Variants in KCNQ3 observed in about 807,000 individuals in gnomAD.
The protein encoded by KCNQ3 is potassium voltage-gated channel subfamily Q member 3.
In KCNQ3, 30 loss-of-function variants were observed where a neutral mutation model predicts 92.5. The ratio of observed to expected loss-of-function variants is 0.32; its 90% CI spans 0.24 to 0.44. The LOEUF (loss-of-function observed/expected upper bound fraction) is 0.44, where lower values mean the gene tolerates loss of function less well. Among genes scored for constraint, KCNQ3 ranks in the 20% least tolerant of loss-of-function variants. KCNQ3 has a pLI of 1.00. For missense variants in KCNQ3, 913 were observed against 1,140.3 expected, an observed-to-expected ratio of 0.80 and a Z score of 2.87; for synonymous variants, 450 against 468.8, an observed-to-expected ratio of 0.96 and a Z score of 0.52.
chr8:132,291,978 T>C (rs1563843874), intron 1 of KCNQ3, among the ~76,000 whole-genome samples: 1 of 152,196 alleles, frequency 6.6e-6, no homozygotes, highest in Non-Finnish European at 1.5e-5. Context: ...TAATAACTTC[T>C]GTCTCCAAAA....
At chr8:132,293,519 CT>C (rs951258924) in intron 1 of KCNQ3, among the ~76,000 whole-genome samples, 5 of 144,314 alleles carry the variant, frequency 3.5e-5, no homozygotes, top group African/African-American at 1.3e-4. Flanking sequence ...AGGAAAAACA[CT>C]TTAAGAGAGT....
chr8:132,439,800 C>A (rs1821489671), intron 1 of KCNQ3, among the ~76,000 whole-genome samples: 1 of 152,124 alleles, frequency 6.6e-6, no homozygotes, highest in South Asian at 2.1e-4. Context: ...TTGTTTTACC[C>A]CAGTGAGACC....
At chr8:132,243,556 C>G (rs1009008060) in intron 1 of KCNQ3, among the ~76,000 whole-genome samples, 1 of 152,186 alleles carries the variant, frequency 6.6e-6, no homozygotes, top group African/African-American at 2.4e-5. Context: ...CTTTTCTTAT[C>G]CCTGTATGAA....
rs1586942999 is a variant in KCNQ3, at chr8:132,343,440, A to G, written c.386+136707T>C. Among the ~76,000 whole-genome samples the G allele has an allele frequency of 2.0e-5, 3 of 152,286 alleles. No individual in the cohort carries two copies. In the South Asian group the frequency reaches 6.2e-4, roughly 32 times the overall value. ...GTCCCAAGCACCAAGCTGGGGAAATACCCAAGGAAGCCTCCATAAGTGCTT... is the reference window on the plus strand; with the variant it reads ...GTCCCAAGCACCAAGCTGGGGAAATGCCCAAGGAAGCCTCCATAAGTGCTT... On this transcript the variant is annotated intron_variant, in intron 1 of 14. Transcript: ENST00000388996.
chr8:132,410,842 G>A (rs927242759), intron 1 of KCNQ3, among the ~76,000 whole-genome samples: 9 of 152,214 alleles, frequency 5.9e-5, no homozygotes, highest in African/African-American at 2.2e-4. Flanking sequence ...ATGGCAAAGT[G>A]GGACTCTGTT....
intron 1 of KCNQ3, among the ~76,000 whole-genome samples, chr8:132,378,032 T>G (rs1014696805): frequency 4.6e-5 from 7 of 152,062 alleles, no homozygotes; most frequent in African/African-American, 1.5e-4. Context: ...TTTGAAAAAA[T>G]GACACTTTTT....
At chr8:132,278,415 C>A (rs995937275) in intron 1 of KCNQ3, among the ~76,000 whole-genome samples, 1 of 152,208 alleles carries the variant, frequency 6.6e-6, no homozygotes, top group African/African-American at 2.4e-5. Context: ...TCCTGGTATT[C>A]CTGTCTGAAA....
At chr8:132,383,635 G>T (rs1819814927) in intron 1 of KCNQ3, among the ~76,000 whole-genome samples, 1 of 152,202 alleles carries the variant, frequency 6.6e-6, no homozygotes, top group South Asian at 2.1e-4. Context: ...ACAGGACTGT[G>T]CTTGTTCATC....
At chr8:132,472,354 A>T (rs1822317304) in intron 1 of KCNQ3, among the ~76,000 whole-genome samples, 1 of 152,248 alleles carries the variant, frequency 6.6e-6, no homozygotes, top group African/African-American at 2.4e-5. Context: ...GTAAGGAATC[A>T]ACCAAAGGAT....
intron 4 of KCNQ3, 23 bp from the exon 5 acceptor site, chr8:132,175,631 T>G: frequency 6.2e-7 from 1 of 1,612,208 alleles, no homozygotes; most frequent in Non-Finnish European, 8.5e-7. Flanking sequence ...ACAGTGGACA[T>G]GAAAAGTGGT....
At chr8:132,218,366 C>T (rs992884560) in intron 1 of KCNQ3, among the ~76,000 whole-genome samples, 1 of 152,196 alleles carries the variant, frequency 6.6e-6, no homozygotes, top group African/African-American at 2.4e-5. Flanking sequence ...GCATCTGGCA[C>T]ATGTGGGCAC....
In KCNQ3 at chr8:132,207,374, C is replaced by G. The variant is rs535281450; in HGVS notation, c.387-21193G>C. On this transcript the variant is annotated intron_variant, in intron 1 of 14. Coordinates refer to ENST00000388996, the MANE Select transcript of KCNQ3 (RefSeq NM_004519.4). ...GGTATAAAATGGCACCTGGAATTTG[C>G]ATTTTAATAGCGAATAAAGCATTGT... is the stretch of plus-strand genomic sequence containing the variant. 6.6e-5 allele frequency among the ~76,000 whole-genome samples: 10 copies of G among 152,264 alleles called. No individual in the cohort carries two copies. In the South Asian group the frequency reaches 2.1e-3, roughly 32 times the overall value.
At chr8:132,394,604 G>T (rs1205222108) in intron 1 of KCNQ3, among the ~76,000 whole-genome samples, 2 of 152,162 alleles carry the variant, frequency 1.3e-5, no homozygotes, top group African/African-American at 4.8e-5. Context: ...GGTATTCAGA[G>T]ATCTACGAGT....
intron 1 of KCNQ3, among the ~76,000 whole-genome samples, chr8:132,324,425 T>A (rs908678647): frequency 6.6e-6 from 1 of 152,128 alleles, no homozygotes; most frequent in African/African-American, 2.4e-5. Context: ...AGTGAAGAAA[T>A]GTGTGAATAA....
intron 1 of KCNQ3, among the ~76,000 whole-genome samples, chr8:132,438,584 G>A (rs951864146): frequency 1.3e-5 from 2 of 152,122 alleles, no homozygotes; most frequent in African/African-American, 4.8e-5. Flanking sequence ...GCTGCTTGGT[G>A]ATGGACCAGT....
intron 1 of KCNQ3, among the ~76,000 whole-genome samples, chr8:132,325,147 G>T (rs1208055063): frequency 1.3e-5 from 2 of 152,074 alleles, no homozygotes. Flanking sequence ...CTCGAGCCTT[G>T]TCCTGGGGTC....
intron 1 of KCNQ3, among the ~76,000 whole-genome samples, chr8:132,262,752 C>A (rs530667221): frequency 1.3e-5 from 2 of 151,750 alleles, no homozygotes; most frequent in Non-Finnish European, 1.5e-5. Flanking sequence ...ACTGTTACAC[C>A]CGTCTTGGAC....
intron 1 of KCNQ3, among the ~76,000 whole-genome samples, chr8:132,263,516 G>C (rs1339766800): frequency 1.3e-5 from 2 of 152,150 alleles, no homozygotes; most frequent in African/African-American, 2.4e-5. Flanking sequence ...GGATGAGCTG[G>C]TCCATTACTC....
chr8:132,401,819 C>G (rs1443994143), intron 1 of KCNQ3, among the ~76,000 whole-genome samples: 1 of 152,228 alleles, frequency 6.6e-6, no homozygotes. Flanking sequence ...ACACCAAATG[C>G]TGCAGTGATT....
Sources: gnomAD v4.1 joint callset for allele counts (sites outside exome capture counted in the v4.1 genomes callset) on GRCh38, gnomAD v4.1.1 for gene constraint, MANE v1.5 for transcripts, NCBI Gene and HGNC (gene_info 2026-07-23, HGNC 2026-07-21) for gene names.